The following FHIT variants were observed in gnomAD, a reference collection of about 807,000 sequenced individuals.
FHIT encodes bis(5'-adenosyl)-triphosphatase.
Under a neutral mutation model 17.9 loss-of-function variants are expected in FHIT, and 19 were observed. The ratio of observed to expected loss-of-function variants is 1.06; its 90% confidence interval spans 0.74 to 1.56. The LOEUF (loss-of-function observed/expected upper bound fraction) is 1.56, where lower values mean the gene tolerates loss of function less well. Ranked by LOEUF, FHIT falls within the 40% of genes most tolerant of loss-of-function variation. The pLI, the probability that FHIT is intolerant of heterozygous loss-of-function variation, is 0.00. For synonymous variants in FHIT, 81 were observed against 69.7 expected, an observed-to-expected ratio of 1.16 and a Z score of -0.81; for missense variants, 248 against 189.2, an observed-to-expected ratio of 1.31 and a Z score of -1.82.
chr3:60,007,904 G>T (rs1699986644), intron 7 of FHIT, among the ~76,000 whole-genome samples: 1 of 152,104 alleles, frequency 6.6e-6, no homozygotes, highest in Non-Finnish European at 1.5e-5. Context: ...ACACTTGAGG[G>T]TAGACAAATG....
At chr3:60,312,567 T>A (rs1708994952) in intron 5 of FHIT, among the ~76,000 whole-genome samples, 1 of 152,146 alleles carries the variant, frequency 6.6e-6, no homozygotes, top group Non-Finnish European at 1.5e-5. Context: ...TGAAAACAAA[T>A]AAAGGTTGAA....
intron 5 of FHIT, among the ~76,000 whole-genome samples, chr3:60,317,679 G>A (rs1470746992): frequency 1.3e-5 from 2 of 148,392 alleles, no homozygotes; most frequent in African/African-American, 5.0e-5. Flanking sequence ...ACAAATCAGT[G>A]TGCCAACATG....
At chr3:60,375,130 CA>C (rs772493082) in intron 5 of FHIT, among the ~76,000 whole-genome samples, 1 of 149,302 alleles carries the variant, frequency 6.7e-6, no homozygotes, top group Non-Finnish European at 1.5e-5. Flanking sequence ...AAACAAAAAA[CA>C]AAAAAAACAC....
intron 5 of FHIT, among the ~76,000 whole-genome samples, chr3:60,270,964 C>T (rs1253382139): frequency 6.6e-6 from 1 of 152,074 alleles, no homozygotes; most frequent in African/African-American, 2.4e-5. Context: ...CTAGATAAAC[C>T]GAAATCAGTA....
chr3:60,998,036 C>T (rs2030801616), intron 3 of FHIT, among the ~76,000 whole-genome samples: 1 of 152,140 alleles, frequency 6.6e-6, no homozygotes. Context: ...ATCACTTTAG[C>T]CATTTTGATG....
chr3:59,775,405 G>A (rs1171438977), intron 8 of FHIT, among the ~76,000 whole-genome samples: 2 of 152,124 alleles, frequency 1.3e-5, no homozygotes, highest in African/African-American at 2.4e-5. Context: ...TTTCCTCTAG[G>A]TGCCTACCTC....
intron 8 of FHIT, among the ~76,000 whole-genome samples, chr3:59,851,417 T>C (rs562595111): frequency 3.9e-5 from 6 of 152,334 alleles, no homozygotes; most frequent in East Asian, 1.9e-4. Flanking sequence ...ACAACTCCCA[T>C]GCAAGGGACC....
chr3:60,096,823 T>G (rs933972594), intron 5 of FHIT, among the ~76,000 whole-genome samples: 2 of 150,186 alleles, frequency 1.3e-5, no homozygotes, highest in African/African-American at 4.9e-5. Flanking sequence ...AACCAGAGAG[T>G]AGGAAAAGCT....
intron 3 of FHIT, among the ~76,000 whole-genome samples, chr3:60,874,610 A>G (rs1195255989): frequency 5.3e-5 from 8 of 152,292 alleles, no homozygotes; most frequent in African/African-American, 1.9e-4. Flanking sequence ...GGGACAGAAG[A>G]AGGAGACTAT....
At chr3:61,022,960 G>T (rs896122641) in intron 3 of FHIT, among the ~76,000 whole-genome samples, 8 of 152,094 alleles carry the variant, frequency 5.3e-5, no homozygotes, top group African/African-American at 1.9e-4. Context: ...TCTCACCACT[G>T]CTATTCAACA....
chr3:60,544,642 G>A (rs1451290102), intron 4 of FHIT, among the ~76,000 whole-genome samples: 1 of 128,724 alleles, frequency 7.8e-6, no homozygotes, highest in Non-Finnish European at 1.6e-5. Context: ...CTGTTTTCCA[G>A]GCTGGACACA....
rs564108310 is a variant in FHIT, at chr3:60,100,478, G to C, written c.104-86326C>G. ...TTGCTTTGACTCTTGGCCAAGTCCA[G>C]AATTGTGTCATTTTAAAAAACTGGT... is the stretch of plus-strand genomic sequence containing the variant. On this transcript the variant is annotated intron_variant, in intron 5 of 9. Coordinates refer to ENST00000492590, the MANE Select transcript of FHIT (RefSeq NM_002012.4). 1.1e-4 allele frequency among the ~76,000 whole-genome samples: 16 copies of C among 152,264 alleles called. 1 individual carries two copies. Among genetic ancestry groups the C allele is most frequent in the African/African-American group, 3.4e-4 (14 of 41,570 alleles).
At chr3:60,136,721 T>C (rs898288361) in intron 5 of FHIT, among the ~76,000 whole-genome samples, 5 of 152,182 alleles carry the variant, frequency 3.3e-5, no homozygotes, top group Admixed American at 2.6e-4. Context: ...AGACCGCACA[T>C]TGCATCAGCC....
At chr3:60,086,688 A>G (rs1440075924) in intron 5 of FHIT, among the ~76,000 whole-genome samples, 1 of 152,192 alleles carries the variant, frequency 6.6e-6, no homozygotes, top group Non-Finnish European at 1.5e-5. Context: ...TAAAGCTACA[A>G]AATAATCTTC....
At chr3:60,731,088 G>A (rs548400816) in intron 4 of FHIT, among the ~76,000 whole-genome samples, 9 of 152,108 alleles carry the variant, frequency 5.9e-5, no homozygotes, top group Admixed American at 2.6e-4. Flanking sequence ...CCAGGGTCTC[G>A]CCACTACACT....
chr3:60,172,373 C>T (rs1701460278), intron 5 of FHIT, among the ~76,000 whole-genome samples: 1 of 152,094 alleles, frequency 6.6e-6, no homozygotes, highest in Non-Finnish European at 1.5e-5. Flanking sequence ...TTGAGTGATT[C>T]TCCTGCCTCA....
intron 7 of FHIT, among the ~76,000 whole-genome samples, chr3:59,975,965 C>A (rs1222573232): frequency 6.6e-6 from 1 of 152,072 alleles, no homozygotes; most frequent in Non-Finnish European, 1.5e-5. Context: ...TGCTCCCAGA[C>A]AACCTAGGTG....
At chr3:60,444,871 G>T (rs1156543733) in intron 5 of FHIT, among the ~76,000 whole-genome samples, 1 of 151,596 alleles carries the variant, frequency 6.6e-6, no homozygotes, top group Non-Finnish European at 1.5e-5. Context: ...AAAAAAGAAA[G>T]AAAAGAAAAA....
chr3:60,539,246 C>A (rs1233045351), intron 4 of FHIT, among the ~76,000 whole-genome samples: 1 of 152,162 alleles, frequency 6.6e-6, no homozygotes, highest in Non-Finnish European at 1.5e-5. Flanking sequence ...CAATGAGATA[C>A]AATCTCACAC....
Sources: gnomAD v4.1 joint callset for allele counts (sites outside exome capture counted in the v4.1 genomes callset) on GRCh38, gnomAD v4.1.1 for gene constraint, MANE v1.5 for transcripts, NCBI Gene and HGNC (gene_info 2026-07-23, HGNC 2026-07-21) for gene names.